The following RNF150 variants were observed in gnomAD, a reference collection of about 807,000 sequenced individuals.
RNF150 encodes the protein ring finger protein 150.
Under a neutral mutation model 39.3 loss-of-function variants are expected in RNF150, and 24 were observed. The ratio of observed to expected loss-of-function variants is 0.61; its 90% confidence interval spans 0.44 to 0.86. The LOEUF (loss-of-function observed/expected upper bound fraction) is 0.86. Ranked by LOEUF, RNF150 falls within the 40% of genes least tolerant of loss-of-function variation. The probability of loss-of-function intolerance (pLI) is 0.00; values close to 1 mark genes in which losing one functional copy is unlikely to be tolerated. For synonymous variants in RNF150, 255 were observed against 227.3 expected (o/e 1.12, Z -1.10); for missense variants, 502 against 587.8 (o/e 0.85, Z 1.51).
At position 141,132,242 on chromosome 4, in the gene RNF150, G is replaced by C. The variant is rs1342827059; in HGVS notation, c.484+83C>G. The C allele has an allele frequency of 7.1e-6, 10 of 1,417,122 alleles. No homozygotes were observed. The highest frequency in any genetic ancestry group is 9.6e-6 in the Non-Finnish European group (10 of 1,040,868). The allele number at this position is 1,417,122 out of a possible 1,614,324, so 87.8% of individuals were successfully genotyped here. On this transcript the variant is annotated intron_variant, in intron 1 of 6. Transcript: ENST00000515673. The surrounding 1 kb of genome is among the most constrained non-coding windows in gnomAD (Gnocchi z 4.9). ...TCCGCGCCGCACGGACTTCCCAGAA[G>C]GAGCCTGGAGGCAGGCGCTGGATCC... is the stretch of plus-strand genomic sequence containing the variant.
chr4:141,022,610 A>G (rs1560693579), intron 1 of RNF150, among the ~76,000 whole-genome samples: 1 of 152,176 alleles, frequency 6.6e-6, no homozygotes, highest in Non-Finnish European at 1.5e-5. Context: ...AGCATATGGC[A>G]TTTTCCTCAT....
intron 1 of RNF150, among the ~76,000 whole-genome samples, chr4:141,193,269 T>C (rs1381905149): frequency 2.0e-5 from 3 of 152,242 alleles, no homozygotes; most frequent in African/African-American, 7.2e-5. Context: ...GAATGAATAA[T>C]GATGGACACA....
intron 1 of RNF150, among the ~76,000 whole-genome samples, chr4:141,076,156 T>C (rs779396257): frequency 1.3e-4 from 20 of 152,206 alleles, no homozygotes; most frequent in Non-Finnish European, 2.1e-4. Flanking sequence ...TAAAAATATT[T>C]TCTAAAAGAT....
At chr4:140,960,248 G>T (rs745338428) in intron 2 of RNF150, among the ~76,000 whole-genome samples, 1 of 151,972 alleles carries the variant, frequency 6.6e-6, no homozygotes. Context: ...ATCCAAACTG[G>T]AACAATTCTG....
chr4:140,952,875 A>G (rs1038935970), intron 2 of RNF150, among the ~76,000 whole-genome samples: 1 of 152,212 alleles, frequency 6.6e-6, no homozygotes, highest in Non-Finnish European at 1.5e-5. Flanking sequence ...TGAGAAATCC[A>G]TTGTTAGGCG....
chr4:140,987,539 T>C (rs1481761577), intron 1 of RNF150, among the ~76,000 whole-genome samples: 3 of 152,144 alleles, frequency 2.0e-5, no homozygotes, highest in African/African-American at 7.2e-5. Context: ...CAATAACTGG[T>C]GCTGGGATAG....
chr4:141,143,444 T>C (rs1727153412), intron 1 of RNF150, among the ~76,000 whole-genome samples: 2 of 152,130 alleles, frequency 1.3e-5, no homozygotes, highest in Admixed American at 1.3e-4. Flanking sequence ...GTTATGTTAA[T>C]CCAATCTTCA....
In RNF150 at chr4:141,133,067, G is replaced by C. The variant is rs995718225; in HGVS notation, c.-259C>G. The C allele has an allele frequency of 1.5e-5, 6 of 394,422 alleles. No individual in the cohort carries two copies. Among genetic ancestry groups the C allele is most frequent in the African/African-American group, 2.2e-5 (1 of 45,764 alleles). The allele number at this position is 394,422 out of a possible 1,614,324, so 24.4% of individuals were successfully genotyped here. ...GGCGCCCGGGGGGCGCGGGAACAGAGGGCCCGCGGGGCTTGCGGAGGAGTC... is the reference window on the plus strand; with the variant it reads ...GGCGCCCGGGGGGCGCGGGAACAGACGGCCCGCGGGGCTTGCGGAGGAGTC... On this transcript the variant is annotated 5_prime_UTR_variant, in exon 1 of 7. Transcript: ENST00000515673.
rs148312407 is a variant in RNF150 at position 141,148,941 on chromosome 4, G to A, written c.-6+63853C>T. Among the ~76,000 whole-genome samples, 172 of 152,240 alleles carry A rather than the reference G, an allele frequency of 1.1e-3. 3 individuals carry two copies. Among genetic ancestry groups the A allele is most frequent in the African/African-American group, 3.9e-3 (162 of 41,542 alleles). On this transcript the variant is annotated intron_variant, in intron 1 of 7. Transcript: ENST00000420921. ...ATTCCTCCTCAGCTCCTGGCTTTTG[G>A]TAGTCCATCCATAGAGCCTGTCTTT...
At chr4:141,116,690 CAT>C (rs1739558821) in intron 1 of RNF150, among the ~76,000 whole-genome samples, 1 of 152,196 alleles carries the variant, frequency 6.6e-6, no homozygotes, top group Non-Finnish European at 1.5e-5. Flanking sequence ...CACATGCACA[CAT>C]ATGTTTATTT....
At chr4:141,059,965 T>C (rs555278936) in intron 1 of RNF150, among the ~76,000 whole-genome samples, 56 of 152,210 alleles carry the variant, frequency 3.7e-4, no homozygotes, top group Non-Finnish European at 2.9e-4. Flanking sequence ...TCCAAATGAA[T>C]TAGGTGATGG....
intron 6 of RNF150, among the ~76,000 whole-genome samples, chr4:140,907,872 A>G (rs1730449067): frequency 6.6e-6 from 1 of 152,170 alleles, no homozygotes; most frequent in Non-Finnish European, 1.5e-5. Context: ...TATTTACCTC[A>G]TAGGGTTGTT....
At chr4:141,051,024 G>C (rs1736757400) in intron 1 of RNF150, among the ~76,000 whole-genome samples, 1 of 152,138 alleles carries the variant, frequency 6.6e-6, no homozygotes, top group African/African-American at 2.4e-5. Flanking sequence ...TGAAATCTAG[G>C]TGGAAGTTGC....
upstream of RNF150, among the ~76,000 whole-genome samples, chr4:141,134,540 G>C (rs1473307127): frequency 6.6e-6 from 1 of 152,150 alleles, no homozygotes; most frequent in African/African-American, 2.4e-5. Flanking sequence ...ACGTCCACCA[G>C]TACAACTTCT....
intron 1 of RNF150, among the ~76,000 whole-genome samples, chr4:141,036,192 T>G (rs778578747): frequency 8.5e-5 from 13 of 152,166 alleles, no homozygotes; most frequent in Non-Finnish European, 1.8e-4. Flanking sequence ...TAGCAATAGT[T>G]TATTTTAAAT....
intron 6 of RNF150, among the ~76,000 whole-genome samples, chr4:140,882,021 T>G (rs1161456320): frequency 6.6e-6 from 1 of 152,126 alleles, no homozygotes; most frequent in Admixed American, 6.5e-5. Context: ...ATTTTTAATT[T>G]TTTTATTTTT....
chr4:141,190,762 A>G (rs1193647341), intron 1 of RNF150, among the ~76,000 whole-genome samples: 3 of 152,234 alleles, frequency 2.0e-5, no homozygotes, highest in Admixed American at 6.5e-5. Context: ...TTGAACACTA[A>G]CTATGTCTTC....
intron 1 of RNF150, among the ~76,000 whole-genome samples, chr4:141,078,789 C>CA (rs150748282): frequency 6.1e-4 from 39 of 63,856 alleles, no homozygotes; most frequent in African/African-American, 4.1e-3. Context: ...AACTCCGTCT[C>CA]AAAAAAAAAA....
chr4:140,997,295 C>G (rs1303515353), intron 1 of RNF150, among the ~76,000 whole-genome samples: 1 of 152,166 alleles, frequency 6.6e-6, no homozygotes, highest in African/African-American at 2.4e-5. Context: ...TACATACTAT[C>G]AAATATTTTA....
Sources: allele counts gnomAD v4.1 joint callset (sites outside exome capture counted in the v4.1 genomes callset), GRCh38; gene constraint gnomAD v4.1.1; non-coding constraint Gnocchi (gnomAD v3.1); transcripts MANE v1.5; gene names NCBI Gene and HGNC (gene_info 2026-07-23, HGNC 2026-07-21).